The following DDAH1 variants were observed in gnomAD, a reference collection of about 807,000 sequenced individuals.
DDAH1 encodes N(G),N(G)-dimethylarginine dimethylaminohydrolase 1.
DDAH1 carries 19 observed loss-of-function variants against 28.8 expected under a neutral mutation model. That is an observed-to-expected ratio of 0.66 (90% CI 0.46 to 0.97). DDAH1 has a LOEUF of 0.97. DDAH1 is among the 50% of genes least tolerant of loss of function. DDAH1 has a pLI of 0.00. For missense variants in DDAH1, 326 were observed against 375.9 expected (o/e 0.87, Z 1.10); for synonymous variants, 153 against 154.4 (o/e 0.99, Z 0.07).
chr1:85,454,316 T>C (rs563914322), intron 1 of DDAH1, among the ~76,000 whole-genome samples: 1 of 152,152 alleles, frequency 6.6e-6, no homozygotes, highest in Non-Finnish European at 1.5e-5. Context: ...CCAGGCCACA[T>C]AGAACTATGG....
At chr1:85,572,238 A>T (rs1235024053) in intron 1 of DDAH1, among the ~76,000 whole-genome samples, 1 of 152,156 alleles carries the variant, frequency 6.6e-6, no homozygotes, top group Admixed American at 6.5e-5. Context: ...CTTGTTTATT[A>T]TCAGACTCTC....
At chr1:85,550,908 A>G (rs1658770285) in intron 1 of DDAH1, among the ~76,000 whole-genome samples, 2 of 152,210 alleles carry the variant, frequency 1.3e-5, no homozygotes, top group Non-Finnish European at 2.9e-5. Flanking sequence ...TTCATGGCAG[A>G]GTTCTTGGTA....
intron 1 of DDAH1, among the ~76,000 whole-genome samples, chr1:85,509,219 C>G (rs1054634327): frequency 6.6e-6 from 1 of 152,196 alleles, no homozygotes; most frequent in African/African-American, 2.4e-5. Flanking sequence ...GAGTGGAACT[C>G]CAGCAAACTC....
At chr1:85,359,201 C>T (rs1484729900) in intron 1 of DDAH1, among the ~76,000 whole-genome samples, 1 of 152,146 alleles carries the variant, frequency 6.6e-6, no homozygotes, top group Non-Finnish European at 1.5e-5. Context: ...CTGACCAGTT[C>T]GGCCACTGTT....
chr1:85,572,675 C>T (rs1659495066), intron 1 of DDAH1, among the ~76,000 whole-genome samples: 1 of 152,180 alleles, frequency 6.6e-6, no homozygotes, highest in Non-Finnish European at 1.5e-5. Flanking sequence ...AAGTGTCAGC[C>T]GGCACTAACG....
At chr1:85,489,560 A>G (rs897238166) in intron 2 of DDAH1, among the ~76,000 whole-genome samples, 12 of 152,296 alleles carry the variant, frequency 7.9e-5, no homozygotes, top group African/African-American at 2.9e-4. Flanking sequence ...CAGAGGTTGA[A>G]GAAAAGAATT....
chr1:85,434,100 A>T (rs1653825396), intron 1 of DDAH1, among the ~76,000 whole-genome samples: 1 of 152,114 alleles, frequency 6.6e-6, no homozygotes, highest in African/African-American at 2.4e-5. Flanking sequence ...TTCCACTTAC[A>T]CTGTTTCCCT....
chr1:85,514,330 A>G (rs998142522), intron 1 of DDAH1, among the ~76,000 whole-genome samples: 7 of 152,160 alleles, frequency 4.6e-5, no homozygotes, highest in African/African-American at 1.7e-4. Context: ...TGGGAATTGA[A>G]CAATGAGATC....
intron 1 of DDAH1, among the ~76,000 whole-genome samples, chr1:85,563,674 A>T (rs1276083705): frequency 6.6e-6 from 1 of 152,246 alleles, no homozygotes; most frequent in Non-Finnish European, 1.5e-5. Context: ...GCAGAAAAAC[A>T]TGATCTATAA....
At chr1:85,450,456 G>A (rs1654620716) in intron 1 of DDAH1, among the ~76,000 whole-genome samples, 1 of 152,150 alleles carries the variant, frequency 6.6e-6, no homozygotes, top group South Asian at 2.1e-4. Context: ...TCACAGCTTG[G>A]TGTCACAGTT....
chr1:85,332,905 C>A (rs761606104), intron 4 of DDAH1, among the ~76,000 whole-genome samples: 25 of 152,120 alleles, frequency 1.6e-4, no homozygotes, highest in Admixed American at 3.3e-4. Context: ...GGCTGCCCAG[C>A]CCATTGCAGC....
At chr1:85,507,063 A>G (rs1420423099) in intron 1 of DDAH1, among the ~76,000 whole-genome samples, 1 of 152,234 alleles carries the variant, frequency 6.6e-6, no homozygotes. Flanking sequence ...CAATCTCTTC[A>G]ATGTAGATGC....
intron 1 of DDAH1, among the ~76,000 whole-genome samples, chr1:85,426,180 ATGTT>A (rs1408032465): frequency 2.0e-5 from 3 of 152,188 alleles, no homozygotes; most frequent in Non-Finnish European, 4.4e-5. Context: ...GTTTTCCTTT[ATGTT>A]TTCCCATTCC....
chr1:85,440,594 T>C (rs895847726), intron 1 of DDAH1, among the ~76,000 whole-genome samples: 4 of 152,254 alleles, frequency 2.6e-5, no homozygotes, highest in Non-Finnish European at 5.9e-5. Flanking sequence ...GAATGTTATG[T>C]AAAATTACTC....
At chr1:85,418,055 A>G (rs1396417641) in intron 1 of DDAH1, among the ~76,000 whole-genome samples, 3 of 152,250 alleles carry the variant, frequency 2.0e-5, no homozygotes, top group African/African-American at 7.2e-5. Context: ...TAATGACCAA[A>G]TCTACAGAGC....
At chr1:85,401,490 CTTT>C (rs1179870149) in intron 1 of DDAH1, among the ~76,000 whole-genome samples, 118 of 134,854 alleles carry the variant, frequency 8.8e-4, no homozygotes, top group Admixed American at 2.8e-3. Context: ...TTTCTTTTTT[CTTT>C]TTTCTTTCTT....
chr1:85,460,945 T>C (rs1655097777), intron 1 of DDAH1, among the ~76,000 whole-genome samples: 1 of 152,224 alleles, frequency 6.6e-6, no homozygotes, highest in South Asian at 2.1e-4. Context: ...TTTACATTAT[T>C]TGACATTTAA....
intron 1 of DDAH1, among the ~76,000 whole-genome samples, chr1:85,513,951 C>T (rs1247630156): frequency 6.6e-6 from 1 of 152,150 alleles, no homozygotes; most frequent in Non-Finnish European, 1.5e-5. Flanking sequence ...GTGGCGATTC[C>T]TCAAGGATCT....
chr1:85,462,407 G>A (rs964637687), intron 1 of DDAH1, among the ~76,000 whole-genome samples: 1 of 152,134 alleles, frequency 6.6e-6, no homozygotes, highest in African/African-American at 2.4e-5. Context: ...TAAAAGACCA[G>A]CTTGGCTACA....
Sources: gnomAD v4.1 joint callset for allele counts (sites outside exome capture counted in the v4.1 genomes callset) on GRCh38, gnomAD v4.1.1 for gene constraint, MANE v1.5 for transcripts, NCBI Gene and HGNC (gene_info 2026-07-23, HGNC 2026-07-21) for gene names.